The following PVT1 variants were observed in gnomAD, a reference collection of about 807,000 sequenced individuals.
PVT1 encodes the protein Pvt1 oncogene, also known as CXCR4/PVT1 fusion.
At chr8:127,819,953 C>A (rs972696235) in intron 2 of PVT1, among the ~76,000 whole-genome samples, 5 of 152,202 alleles carry the variant, frequency 3.3e-5, no homozygotes, top group Admixed American at 6.5e-5. Flanking sequence ...CATCCGCATT[C>A]TTTCATCTTC....
At chr8:127,967,852 G>C (rs951620125) in intron 3 of PVT1, among the ~76,000 whole-genome samples, 1 of 152,224 alleles carries the variant, frequency 6.6e-6, no homozygotes, top group Non-Finnish European at 1.5e-5. Flanking sequence ...GCACACACAG[G>C]CTCCCTTTAC....
Position 127,902,041 on chromosome 8 carries a change from T to TG in PVT1, n.782+11045dup, listed in dbSNP as rs374615570. On this transcript the variant is annotated intron_variant and non_coding_transcript_variant, in intron 3 of 10. Transcript: ENST00000651587. ...GATAATAACACTAATACAAGATCTT[T>TG]GGTGAAAACTTAGAATGCGTAGAAA... Among the ~76,000 whole-genome samples the TG allele has an allele frequency of 1.7e-3, 258 of 152,326 alleles. 1 individual carries two copies. The highest frequency in any genetic ancestry group is 6.0e-3 in the African/African-American group (248 of 41,578).
In PVT1 at chr8:127,881,196, G is replaced by A. The variant is rs539124110; in HGVS notation, n.373-9393G>A. ...TAGGGAACTGGACTGGGTTCGGTTT[G>A]CATCTCCCGAGTCTGACTCGTGGGA... On this transcript the variant is annotated intron_variant and non_coding_transcript_variant, in intron 2 of 10. Coordinates refer to ENST00000651587, the Ensembl canonical transcript of PVT1. 2.6e-5 allele frequency among the ~76,000 whole-genome samples: 4 copies of A among 152,170 alleles called. No homozygotes were observed. The South Asian group carries it at 8.3e-4, about 32-fold the overall frequency.
intron 3 of PVT1, among the ~76,000 whole-genome samples, chr8:127,945,759 A>G (rs1816412566): frequency 6.6e-6 from 1 of 152,162 alleles, no homozygotes; most frequent in Non-Finnish European, 1.5e-5. Flanking sequence ...TTCTTTGGAA[A>G]ATAATCACAT....
chr8:127,982,224 G>A (rs1816890116), intron 3 of PVT1, among the ~76,000 whole-genome samples: 1 of 152,204 alleles, frequency 6.6e-6, no homozygotes. Flanking sequence ...GATTACTTGA[G>A]GCTGGCTTTC....
intron 3 of PVT1, among the ~76,000 whole-genome samples, chr8:127,988,461 G>A (rs1327558534): frequency 6.6e-6 from 1 of 152,214 alleles, no homozygotes; most frequent in African/African-American, 2.4e-5. Context: ...CTAAGTACCA[G>A]GCGCTGCTTT....
intron 3 of PVT1, among the ~76,000 whole-genome samples, chr8:127,923,207 C>T (rs1411633184): frequency 1.3e-5 from 2 of 152,278 alleles, no homozygotes; most frequent in East Asian, 1.9e-4. Flanking sequence ...GCGGAGTCAC[C>T]GTTGAGTTCA....
intron 4 of PVT1, among the ~76,000 whole-genome samples, chr8:128,057,283 T>C (rs1813772905): frequency 6.6e-6 from 1 of 152,176 alleles, no homozygotes; most frequent in African/African-American, 2.4e-5. Flanking sequence ...GTAGAAAAGG[T>C]ATTATTACCC....
intron 4 of PVT1, among the ~76,000 whole-genome samples, chr8:128,058,097 T>C (rs1813782894): frequency 6.6e-6 from 1 of 152,212 alleles, no homozygotes; most frequent in Admixed American, 6.5e-5. Context: ...GTTGGTTACC[T>C]GACCAGCTTT....
At chr8:127,899,680 G>A (rs7016286) in intron 3 of PVT1, among the ~76,000 whole-genome samples, 51,144 of 151,970 alleles carry the variant, frequency 0.34, 8,758 homozygotes, top group Admixed American at 0.43. Flanking sequence ...GGAGCTGGTG[G>A]AAGTGAGGGC....
intron 4 of PVT1, among the ~76,000 whole-genome samples, chr8:128,054,940 A>G (rs998756707): frequency 1.3e-5 from 2 of 152,210 alleles, no homozygotes; most frequent in African/African-American, 4.8e-5. Context: ...CATAATGTGG[A>G]TGGGCCTCAT....
intron 5 of PVT1, among the ~76,000 whole-genome samples, chr8:128,071,465 T>A (rs1264767014): frequency 1.3e-5 from 2 of 151,982 alleles, no homozygotes; most frequent in African/African-American, 4.8e-5. Context: ...GAGGATCACT[T>A]GAGGCCAGGA....
intron 4 of PVT1, among the ~76,000 whole-genome samples, chr8:128,055,392 C>T (rs1370168988): frequency 6.6e-6 from 1 of 152,156 alleles, no homozygotes; most frequent in Non-Finnish European, 1.5e-5. Context: ...GTCTCCTTAT[C>T]AATAAAATGG....
At chr8:127,954,102 C>G (rs920004102) in intron 3 of PVT1, among the ~76,000 whole-genome samples, 3 of 152,104 alleles carry the variant, frequency 2.0e-5, no homozygotes, top group Non-Finnish European at 4.4e-5. Flanking sequence ...CAAGAAAAAA[C>G]TTGCCTTTGA....
intron 4 of PVT1, among the ~76,000 whole-genome samples, chr8:128,053,613 T>A (rs2130109236): frequency 6.6e-6 from 1 of 152,258 alleles, no homozygotes; most frequent in South Asian, 2.1e-4. Flanking sequence ...ACAAGCTCAA[T>A]CCCTTGCCCC....
chr8:127,844,802 C>T (rs906101413), intron 2 of PVT1, among the ~76,000 whole-genome samples: 2 of 152,140 alleles, frequency 1.3e-5, no homozygotes, highest in Non-Finnish European at 2.9e-5. Flanking sequence ...CAAGCTCCGC[C>T]TCCTGGGTTC....
intron 2 of PVT1, chr8:127,852,085 A>G (rs9297769): frequency 0.65 from 98,613 of 152,164 alleles, 33,341 homozygotes; most frequent in African/African-American, 0.84. Context: ...CAGGCTCAGC[A>G]GCAGTTGGGG....
At chr8:127,823,534 C>T (rs866452344) in intron 2 of PVT1, among the ~76,000 whole-genome samples, 1 of 152,190 alleles carries the variant, frequency 6.6e-6, no homozygotes, top group African/African-American at 2.4e-5. Context: ...GAATCAGGGA[C>T]AGGTCAGTAC....
intron 3 of PVT1, chr8:127,948,246 G>T: frequency 3.3e-6 from 1 of 304,088 alleles, no homozygotes; most frequent in Non-Finnish European, 6.4e-6. Flanking sequence ...CTGAGTGGTG[G>T]AGCACAGAGG....
Sources: gnomAD v4.1 joint callset for allele counts (sites outside exome capture counted in the v4.1 genomes callset) on GRCh38, gnomAD v4.1.1 for gene constraint, MANE v1.5 for transcripts, NCBI Gene and HGNC (gene_info 2026-07-23, HGNC 2026-07-21) for gene names.